The following FOXN2 variants were observed in gnomAD, a reference collection of about 807,000 sequenced individuals.
The protein encoded by FOXN2 is forkhead box protein N2.
In FOXN2, 19 loss-of-function variants were observed where a neutral mutation model predicts 41.2. The observed-to-expected ratio is 0.46, with a 90% confidence interval of 0.32 to 0.68. The LOEUF (loss-of-function observed/expected upper bound fraction) is 0.68, where lower values mean the gene tolerates loss of function less well. FOXN2 is among the 30% of genes least tolerant of loss of function. The pLI, the probability that FOXN2 is intolerant of heterozygous loss-of-function variation, is 0.03. For missense variants in FOXN2, 587 were observed against 509.4 expected (o/e 1.15, Z -1.47); for synonymous variants, 195 against 176.8 (o/e 1.10, Z -0.82).
In FOXN2 at chr2:48,362,602, A is replaced by G. The variant is rs770491854; in HGVS notation, c.639-41A>G. 4 of 1,567,616 alleles carry G rather than the reference A, an allele frequency of 2.6e-6. No homozygotes were observed. In the African/African-American group the frequency reaches 4.1e-5, roughly 16 times the overall value. ...AAATTAGGGGGAAAAAGTGAAGTAAACATTTTTATAAGCATATTTGCTTTT... is the reference window on the plus strand; with the variant it reads ...AAATTAGGGGGAAAAAGTGAAGTAAGCATTTTTATAAGCATATTTGCTTTT... On this transcript the variant is annotated intron_variant, in intron 4 of 6. Coordinates refer to ENST00000340553, the MANE Select transcript of FOXN2 (RefSeq NM_002158.4).
intron 6 of FOXN2, 57 bp from the exon 7 acceptor site, chr2:48,374,863 G>C (rs1318936382): frequency 1.4e-6 from 2 of 1,443,316 alleles, no homozygotes; most frequent in Admixed American, 2.2e-5. Flanking sequence ...TTTAAAATTG[G>C]TCTGTTTTTG....
rs1477008402 is a variant in FOXN2 at position 48,328,602 on chromosome 2, G to A, written c.-115G>A. 4 of 152,282 alleles carry A rather than the reference G, an allele frequency of 2.6e-5. No individual in the cohort carries two copies. Among genetic ancestry groups the A allele is most frequent in the African/African-American group, 9.6e-5 (4 of 41,560 alleles). The allele number at this position is 152,282 out of a possible 1,614,324, so 9.4% of individuals were successfully genotyped here. On this transcript the variant is annotated 5_prime_UTR_variant, in exon 2 of 7. Coordinates refer to ENST00000340553, the MANE Select transcript of FOXN2 (RefSeq NM_002158.4). ...ATAACAGAACCCACAGATGCAGAGG[G>A]CTGACTGTACAAGTCTGTCAAAAAA...
intron 1 of FOXN2, among the ~76,000 whole-genome samples, chr2:48,323,360 A>G (rs937701063): frequency 3.3e-5 from 5 of 152,174 alleles, no homozygotes; most frequent in African/African-American, 9.7e-5. Context: ...CCAACAGTGT[A>G]TGCGCATTCC....
In FOXN2 at chr2:48,375,910, A is replaced by G. The variant is rs1558645905; in HGVS notation, c.*467A>G. 6.5e-6 allele frequency: 1 copy of G among 152,700 alleles called. No homozygotes were observed. Among genetic ancestry groups the G allele is most frequent in the African/African-American group, 2.4e-5 (1 of 41,410 alleles). 9.5% of individuals were successfully genotyped at this position (152,700 alleles called of 1,614,324 possible). A position where few individuals can be genotyped will look rare whatever the true frequency, so the allele number is the denominator to read the frequency against. ...CGCAATCCGGTAACATAAGATTGAA[A>G]TTTTTTTACTTTGTCTTAATTTGTT... On this transcript the variant is annotated 3_prime_UTR_variant, in exon 7 of 7. Coordinates refer to ENST00000340553, the MANE Select transcript of FOXN2 (RefSeq NM_002158.4).
chr2:48,317,751 G>C (rs1410040258), intron 1 of FOXN2, among the ~76,000 whole-genome samples: 1 of 151,074 alleles, frequency 6.6e-6, no homozygotes. Context: ...GGGGTTACAG[G>C]CCCCTGCCAC....
At chr2:48,364,396 T>C (rs1470866260) in intron 5 of FOXN2, among the ~76,000 whole-genome samples, 1 of 152,090 alleles carries the variant, frequency 6.6e-6, no homozygotes, top group Non-Finnish European at 1.5e-5. Flanking sequence ...GCTAATTTTG[T>C]TGTTAACATT....
intron 6 of FOXN2, 75 bp downstream of exon 6, chr2:48,373,435 TACAG>T (rs1173810570): frequency 3.6e-6 from 3 of 841,630 alleles, no homozygotes. Flanking sequence ...AAATAACTAT[TACAG>T]ACAAAAATTA....
rs933105164 is a variant in FOXN2 at position 48,328,669 on chromosome 2, A to C, written c.-48A>C. The C allele has an allele frequency of 6.6e-6, 1 of 152,212 alleles. No individual in the cohort carries two copies. The highest frequency in any genetic ancestry group is 2.4e-5 in the African/African-American group (1 of 41,450). The allele number at this position is 152,212 out of a possible 1,614,324, so 9.4% of individuals were successfully genotyped here. A position where few individuals can be genotyped will look rare whatever the true frequency, so the allele number is the denominator to read the frequency against. On this transcript the variant is annotated 5_prime_UTR_variant, in exon 2 of 7. Coordinates refer to ENST00000340553, the MANE Select transcript of FOXN2 (RefSeq NM_002158.4). ...CTAATAATTGGTCACTGTATGACTTATAGTACAGGTGATATTACTTCTGAT... is the reference window on the plus strand; with the variant it reads ...CTAATAATTGGTCACTGTATGACTTCTAGTACAGGTGATATTACTTCTGAT...
intron 2 of FOXN2, among the ~76,000 whole-genome samples, chr2:48,344,150 A>C (rs945227347): frequency 5.3e-5 from 8 of 152,182 alleles, no homozygotes; most frequent in Admixed American, 5.2e-4. Context: ...AAAATGAATA[A>C]TTTGGTCACT....
chr2:48,372,237 A>G (rs112888379), intron 5 of FOXN2, among the ~76,000 whole-genome samples: 3 of 152,286 alleles, frequency 2.0e-5, no homozygotes, highest in African/African-American at 7.2e-5. Flanking sequence ...CCAGCATCTG[A>G]TTTACTTAAG....
At chr2:48,340,058 T>G (rs981950771) in intron 2 of FOXN2, among the ~76,000 whole-genome samples, 7 of 152,228 alleles carry the variant, frequency 4.6e-5, no homozygotes, top group African/African-American at 1.7e-4. Flanking sequence ...AAGTAATGTT[T>G]AAGGATTCTA....
intron 5 of FOXN2, among the ~76,000 whole-genome samples, chr2:48,370,149 T>G (rs907565799): frequency 6.6e-6 from 1 of 152,214 alleles, no homozygotes; most frequent in East Asian, 1.9e-4. Flanking sequence ...TCAGCCCACA[T>G]TCCATTCGTC....
intron 5 of FOXN2, among the ~76,000 whole-genome samples, chr2:48,363,488 A>G (rs1672333492): frequency 6.6e-6 from 1 of 152,234 alleles, no homozygotes; most frequent in African/African-American, 2.4e-5. Flanking sequence ...CACTGTTTAT[A>G]AAGTCTACAG....
intron 2 of FOXN2, among the ~76,000 whole-genome samples, chr2:48,333,392 TATTTAAAATTCCTATATAC>T (rs2104250405): frequency 6.6e-6 from 1 of 152,256 alleles, no homozygotes; most frequent in African/African-American, 2.4e-5. Flanking sequence ...TAAATTTCTA[TATTTAAAATTCCTATATAC>T]ATTTAGGTAC....
intron 5 of FOXN2, among the ~76,000 whole-genome samples, chr2:48,368,882 T>TA (rs1243186324): frequency 1.3e-5 from 2 of 152,230 alleles, no homozygotes; most frequent in Admixed American, 1.3e-4. Flanking sequence ...ATGTTGAAGT[T>TA]AAACTTTTTT....
At chr2:48,322,134 G>A (rs1435470124) in intron 1 of FOXN2, among the ~76,000 whole-genome samples, 2 of 152,150 alleles carry the variant, frequency 1.3e-5, no homozygotes, top group East Asian at 3.9e-4. Flanking sequence ...TTTTAGTAGA[G>A]ATGGGGTTTC....
chr2:48,322,464 G>A (rs1254022468), intron 1 of FOXN2, among the ~76,000 whole-genome samples: 1 of 152,086 alleles, frequency 6.6e-6, no homozygotes, highest in South Asian at 2.1e-4. Flanking sequence ...TCAAGTATGT[G>A]TCCCTAGATG....
chr2:48,366,257 G>A (rs142916467), intron 5 of FOXN2, among the ~76,000 whole-genome samples: 331 of 152,030 alleles, frequency 2.2e-3, no homozygotes, highest in Non-Finnish European at 3.5e-3. Flanking sequence ...TACTCAGGAG[G>A]CTGAGGCAGG....
intron 3 of FOXN2, among the ~76,000 whole-genome samples, chr2:48,348,830 C>T (rs558826214): frequency 1.3e-5 from 2 of 152,382 alleles, no homozygotes; most frequent in South Asian, 4.1e-4. Context: ...ACTTCATCTT[C>T]TAGCTTGTGC....
Sources: gnomAD v4.1 joint callset for allele counts (sites outside exome capture counted in the v4.1 genomes callset) on GRCh38, gnomAD v4.1.1 for gene constraint, MANE v1.5 for transcripts, NCBI Gene and HGNC (gene_info 2026-07-23, HGNC 2026-07-21) for gene names.